PDZRN3: variants seen among roughly 807,000 people sequenced by gnomAD.
The protein encoded by PDZRN3 is E3 ubiquitin-protein ligase PDZRN3.
In PDZRN3, 38 loss-of-function variants were observed where a neutral mutation model predicts 85.7. The ratio of observed to expected loss-of-function variants is 0.44; its 90% CI spans 0.34 to 0.58. The LOEUF is 0.58. Among genes scored for constraint, PDZRN3 ranks in the 20% least tolerant of loss-of-function variants. The pLI, the probability that PDZRN3 is intolerant of heterozygous loss-of-function variation, is 0.01. For missense variants in PDZRN3, 1,629 were observed against 1,506.4 expected, an observed-to-expected ratio of 1.08 and a Z score of -1.35; for synonymous variants, 759 against 638.0, an observed-to-expected ratio of 1.19 and a Z score of -2.86.
intron 2 of PDZRN3, among the ~76,000 whole-genome samples, chr3:73,602,929 G>T (rs951569072): frequency 4.6e-5 from 7 of 152,156 alleles, no homozygotes; most frequent in African/African-American, 1.4e-4. Flanking sequence ...CCAACATGAG[G>T]CTAATAAACA....
At chr3:73,448,612 G>A (rs536955416) in intron 3 of PDZRN3, among the ~76,000 whole-genome samples, 1 of 152,194 alleles carries the variant, frequency 6.6e-6, no homozygotes, top group East Asian at 1.9e-4. Flanking sequence ...TGGGGACTAA[G>A]CTGCTATACA....
intron 3 of PDZRN3, among the ~76,000 whole-genome samples, chr3:73,581,597 C>A (rs1702202679): frequency 6.6e-6 from 1 of 151,800 alleles, no homozygotes; most frequent in South Asian, 2.1e-4. Context: ...GCTTGTAGGT[C>A]CAAAAAAATG....
intron 3 of PDZRN3, among the ~76,000 whole-genome samples, chr3:73,437,413 G>A (rs577112919): frequency 6.6e-6 from 1 of 152,300 alleles, no homozygotes; most frequent in Non-Finnish European, 1.5e-5. Context: ...AAGAATGACA[G>A]TATAACATCT....
At chr3:73,619,043 A>G (rs897670213) in intron 1 of PDZRN3, among the ~76,000 whole-genome samples, 25 of 152,344 alleles carry the variant, frequency 1.6e-4, no homozygotes, top group Admixed American at 9.1e-4. Context: ...AGTTCTGAAA[A>G]GGACAAAATA....
intron 5 of PDZRN3, among the ~76,000 whole-genome samples, chr3:73,394,029 T>A (rs1400336214): frequency 2.6e-5 from 4 of 152,178 alleles, no homozygotes; most frequent in Non-Finnish European, 5.9e-5. Context: ...ATCTGTCAAT[T>A]CCTCCAACAA....
In PDZRN3 at chr3:73,384,886, G is replaced by A. The variant is rs1406693110; in HGVS notation, c.1680C>T (p.Ile560=). The A allele has an allele frequency of 3.1e-6, 5 of 1,612,824 alleles. No individual in the cohort carries two copies. The highest frequency in any genetic ancestry group is 4.2e-6 in the Non-Finnish European group (5 of 1,179,232). Residue 560 remains isoleucine, a synonymous_variant, in exon 10 of 10, where the codon ATC becomes ATT. Coordinates refer to ENST00000263666, the MANE Select transcript of PDZRN3 (RefSeq NM_015009.3). The part of the protein sequence containing the change: ...EDGGTTDTAT[I]LSNQHEKDSG... The stretch of plus-strand genomic sequence containing the variant: ...TGTCCTTCTCGTGCTGGTTGGACAA[G>A]ATGGTGGCTGTATCTGTGGTCCCAC...
At chr3:73,621,544 T>C (rs749483515) in intron 1 of PDZRN3, among the ~76,000 whole-genome samples, 4 of 152,054 alleles carry the variant, frequency 2.6e-5, no homozygotes, top group African/African-American at 4.8e-5. Flanking sequence ...CAGCTTCCAA[T>C]GGGAGGAGTT....
chr3:73,564,874 G>C (rs1315419318), intron 3 of PDZRN3, among the ~76,000 whole-genome samples: 2 of 152,172 alleles, frequency 1.3e-5, no homozygotes, highest in African/African-American at 4.8e-5. Context: ...GCTAATAGGT[G>C]TAAGCATGTT....
At chr3:73,434,797 A>T (rs568348532) in intron 3 of PDZRN3, among the ~76,000 whole-genome samples, 1 of 152,206 alleles carries the variant, frequency 6.6e-6, no homozygotes, top group African/African-American at 2.4e-5. Context: ...GCCAGATTCT[A>T]CTTGGGAGGT....
At chr3:73,491,455 G>A (rs1243332819) in intron 3 of PDZRN3, among the ~76,000 whole-genome samples, 2 of 152,110 alleles carry the variant, frequency 1.3e-5, no homozygotes, top group African/African-American at 4.8e-5. Flanking sequence ...TGCCAGTTAG[G>A]TTTTGCATCC....
At chr3:73,534,787 A>T (rs1448390642) in intron 3 of PDZRN3, among the ~76,000 whole-genome samples, 1 of 152,216 alleles carries the variant, frequency 6.6e-6, no homozygotes, top group Admixed American at 6.5e-5. Flanking sequence ...TACGGAACTG[A>T]GGCTCAGAAA....
At chr3:73,617,098 C>A (rs1481851485) in intron 1 of PDZRN3, among the ~76,000 whole-genome samples, 1 of 152,150 alleles carries the variant, frequency 6.6e-6, no homozygotes, top group Non-Finnish European at 1.5e-5. Flanking sequence ...CAGCTTTTAG[C>A]AAAATACTAG....
chr3:73,534,213 G>T (rs1423731386), intron 3 of PDZRN3, among the ~76,000 whole-genome samples: 1 of 152,110 alleles, frequency 6.6e-6, no homozygotes, highest in African/African-American at 2.4e-5. Context: ...GCTCCTGCTT[G>T]TCTCAGTCTT....
chr3:73,433,810 T>C (rs1404699167), intron 3 of PDZRN3: 6 of 1,492,046 alleles, frequency 4.0e-6, no homozygotes, highest in Non-Finnish European at 5.3e-6. Flanking sequence ...GAGCCTCAGG[T>C]GAGTCAAGCG....
chr3:73,619,622 T>A (rs544829291), intron 1 of PDZRN3, among the ~76,000 whole-genome samples: 75 of 152,170 alleles, frequency 4.9e-4, no homozygotes, highest in African/African-American at 1.7e-3. Context: ...GAAGAGCAAG[T>A]GCAAAGGCCT....
chr3:73,575,427 CAAG>C (rs1702108804), intron 3 of PDZRN3, among the ~76,000 whole-genome samples: 1 of 152,128 alleles, frequency 6.6e-6, no homozygotes, highest in Non-Finnish European at 1.5e-5. Flanking sequence ...GAAGTTGCTC[CAAG>C]AAGCCTCATC....
At chr3:73,603,458 C>T (rs1024578905) in intron 2 of PDZRN3, among the ~76,000 whole-genome samples, 7 of 152,096 alleles carry the variant, frequency 4.6e-5, no homozygotes, top group East Asian at 3.9e-4. Context: ...TCCAAGTGTA[C>T]GGATTAAATT....
chr3:73,606,733 GTA>G (rs1214967188), intron 2 of PDZRN3, among the ~76,000 whole-genome samples: 1 of 152,044 alleles, frequency 6.6e-6, no homozygotes, highest in Non-Finnish European at 1.5e-5. Context: ...TTTTTTATAT[GTA>G]TGTTTGATAA....
chr3:73,492,922 A>T (rs1009097960), intron 3 of PDZRN3, among the ~76,000 whole-genome samples: 9 of 152,056 alleles, frequency 5.9e-5, no homozygotes, highest in African/African-American at 2.2e-4. Flanking sequence ...ATCAATTTTT[A>T]AAAATTAAAA....
Sources: allele counts gnomAD v4.1 joint callset (sites outside exome capture counted in the v4.1 genomes callset), GRCh38; gene constraint gnomAD v4.1.1; transcripts MANE v1.5; gene names NCBI Gene and HGNC (gene_info 2026-07-23, HGNC 2026-07-21).